The following DISP1 variants were observed in gnomAD, a reference collection of about 807,000 sequenced individuals.
DISP1 encodes the protein protein dispatched homolog 1.
DISP1 carries 30 observed loss-of-function variants against 37.3 expected under a neutral mutation model. That is an observed-to-expected ratio of 0.80 (90% CI 0.60 to 1.09). The LOEUF is 1.09. DISP1 is among the 50% of genes least tolerant of loss of function. The pLI, the probability that DISP1 is intolerant of heterozygous loss-of-function variation, is 0.00. For synonymous variants in DISP1, 634 were observed against 690.2 expected (o/e 0.92, Z 1.28); for missense variants, 1,598 against 1,879.5 (o/e 0.85, Z 2.77).
chr1:222,883,445 G>T (rs190160948), intron 1 of DISP1, among the ~76,000 whole-genome samples: 3 of 151,962 alleles, frequency 2.0e-5, no homozygotes, highest in Non-Finnish European at 4.4e-5. Flanking sequence ...TGGTAAAACC[G>T]CGTCGCTACT....
intron 4 of DISP1, among the ~76,000 whole-genome samples, chr1:222,986,230 C>T (rs754217924): frequency 7.2e-5 from 11 of 151,852 alleles, no homozygotes; most frequent in Non-Finnish European, 1.6e-4. Context: ...TGAATTATAC[C>T]ATCTGAAACA....
intron 3 of DISP1, among the ~76,000 whole-genome samples, chr1:222,943,902 T>C (rs1226115615): frequency 6.6e-6 from 1 of 151,984 alleles, no homozygotes; most frequent in Non-Finnish European, 1.5e-5. Context: ...TGGTGGTGCA[T>C]GCCTATAATC....
chr1:222,878,565 GT>G (rs1360508090), intron 1 of DISP1, among the ~76,000 whole-genome samples: 1 of 152,064 alleles, frequency 6.6e-6, no homozygotes, highest in African/African-American at 2.4e-5. Flanking sequence ...CTTGTTGAGG[GT>G]TTATTATCTC....
At chr1:222,922,717 TTATAA>T (rs1393433715) in intron 1 of DISP1, among the ~76,000 whole-genome samples, 1 of 152,092 alleles carries the variant, frequency 6.6e-6, no homozygotes, top group African/African-American at 2.4e-5. Flanking sequence ...GAAATGGAAC[TTATAA>T]TAGAAATTGG....
At chr1:222,868,245 G>A (rs1203453515) in intron 1 of DISP1, among the ~76,000 whole-genome samples, 1 of 151,870 alleles carries the variant, frequency 6.6e-6, no homozygotes, top group Non-Finnish European at 1.5e-5. Flanking sequence ...AAGTAGCTCT[G>A]TATTTACTGA....
chr1:222,946,842 G>A (rs1466208597), intron 3 of DISP1, among the ~76,000 whole-genome samples: 1 of 152,146 alleles, frequency 6.6e-6, no homozygotes, highest in African/African-American at 2.4e-5. Context: ...TCCAGCATAG[G>A]TCAATATGGC....
chr1:222,902,859 T>C (rs1181224090), intron 1 of DISP1, among the ~76,000 whole-genome samples: 1 of 151,232 alleles, frequency 6.6e-6, no homozygotes, highest in Non-Finnish European at 1.5e-5. Context: ...GGTGGGACTG[T>C]AAACTAGTTC....
At chr1:222,951,416 A>G (rs1351613843) in intron 3 of DISP1, among the ~76,000 whole-genome samples, 1 of 61,420 alleles carries the variant, frequency 1.6e-5, no homozygotes, top group Non-Finnish European at 3.1e-5. Flanking sequence ...TTAAAAAGAC[A>G]AGAATTCTAC....
chr1:223,004,994 C>T lies in DISP1; in HGVS notation c.3597C>T (p.Ser1199=). 1 of 1,614,156 alleles carries T rather than the reference C, an allele frequency of 6.2e-7. No homozygotes were observed. Among genetic ancestry groups the T allele is most frequent in the South Asian group, 1.1e-5 (1 of 91,086 alleles). Reference sequence around the variant, plus strand: ...TTTATGAATTAGAACCTCTGGCTTCCCACAGCTGCACTGCCCCTGAGAAGA... The same window carrying T: ...TTTATGAATTAGAACCTCTGGCTTCTCACAGCTGCACTGCCCCTGAGAAGA... ...HEFYELEPLA[S]HSCTAPEKTT... Residue 1199 remains serine, a synonymous_variant, in exon 9 of 9, where the codon TCC becomes TCT. Coordinates refer to ENST00000675850, the MANE Select transcript of DISP1 (RefSeq NM_001377229.1). This position sits in a 1 kb window ranked among gnomAD's most constrained non-coding sequence, Gnocchi z 4.9.
intron 2 of DISP1, among the ~76,000 whole-genome samples, chr1:222,934,147 C>T (rs906561273): frequency 1.3e-5 from 2 of 151,960 alleles, no homozygotes; most frequent in Admixed American, 6.6e-5. Context: ...CTCTTGTGGT[C>T]CTATAAAAGC....
chr1:222,948,611 T>C lies in DISP1; in HGVS notation c.509+5279T>C, dbSNP rs559084769. Among the ~76,000 whole-genome samples the C allele has an allele frequency of 5.3e-5, 8 of 152,358 alleles. No individual in the cohort carries two copies. In the East Asian group the frequency reaches 1.3e-3, roughly 26 times the overall value. On this transcript the variant is annotated intron_variant, in intron 3 of 8. Coordinates refer to ENST00000675850, the MANE Select transcript of DISP1 (RefSeq NM_001377229.1). ...AACTTCAAGTCTTTTTAGTTTTCTTTATTGTGGTTTATTGCTATGTAATTT... is the reference window on the plus strand; with the variant it reads ...AACTTCAAGTCTTTTTAGTTTTCTTCATTGTGGTTTATTGCTATGTAATTT...
intron 1 of DISP1, among the ~76,000 whole-genome samples, chr1:222,914,809 T>C (rs537469213): frequency 6.6e-6 from 1 of 152,068 alleles, no homozygotes; most frequent in Non-Finnish European, 1.5e-5. Flanking sequence ...AAAATTAAAA[T>C]TAAAATAATT....
At chr1:222,929,898 T>C (rs541180503) in intron 2 of DISP1, among the ~76,000 whole-genome samples, 69 of 152,214 alleles carry the variant, frequency 4.5e-4, no homozygotes, top group Non-Finnish European at 7.6e-4. Flanking sequence ...TTATGTATCT[T>C]CTATGCTTCA....
intron 1 of DISP1, among the ~76,000 whole-genome samples, chr1:222,890,778 C>A (rs767636734): frequency 2.6e-5 from 4 of 152,066 alleles, no homozygotes; most frequent in Non-Finnish European, 5.9e-5. Flanking sequence ...CTGTTCCATG[C>A]CTCTCTCTTA....
Position 223,005,742 on chromosome 1 carries a change from A to C in DISP1, c.4345A>C (p.Ser1449Arg), listed in dbSNP as rs1446002472. Residue 1449 changes from serine (S) to arginine (R), a missense_variant, in exon 9 of 9, where the codon AGT becomes CGT. Ser to Arg is a moderately radical substitution (Grantham distance 110). Transcript: ENST00000675850. ...VELSLSQTDA[S>R]VNSEHFNQNE... ...GCTGAGCTTGTCACAGACGGATGCA[A>C]GTGTGAACTCAGAACATTTCAATCA... is the stretch of plus-strand genomic sequence containing the variant. The C allele has an allele frequency of 1.2e-6, 2 of 1,614,244 alleles. No homozygotes were observed. The highest frequency in any genetic ancestry group is 8.5e-7 in the Non-Finnish European group (1 of 1,180,040).
chr1:222,892,042 AC>A lies in DISP1; in HGVS notation c.-158-36387del, dbSNP rs1179387372. 5.9e-5 allele frequency among the ~76,000 whole-genome samples: 9 copies of A among 152,214 alleles called. No individual in the cohort carries two copies. In the South Asian group the frequency reaches 1.2e-3, roughly 21 times the overall value. ...AGGGAGTGATACCTTACATAAAGAT[AC>A]GTAAGAGAAGTGTTCCCATTTAGGA... is the stretch of plus-strand genomic sequence containing the variant. On this transcript the variant is annotated intron_variant, in intron 1 of 8. Coordinates refer to ENST00000675850, the MANE Select transcript of DISP1 (RefSeq NM_001377229.1).
intron 1 of DISP1, chr1:222,827,172 G>A (rs912638425): frequency 6.6e-6 from 1 of 152,156 alleles, no homozygotes; most frequent in Admixed American, 6.5e-5. Flanking sequence ...GAGACAAACA[G>A]TTAAAGCATG....
At chr1:222,826,571 C>G (rs187805820) in intron 1 of DISP1, among the ~76,000 whole-genome samples, 23 of 151,474 alleles carry the variant, frequency 1.5e-4, no homozygotes, top group Admixed American at 1.4e-3. Context: ...TAACTTCTTA[C>G]AGAGATGGGG....
intron 3 of DISP1, chr1:222,979,661 G>C: frequency 2.1e-6 from 1 of 471,046 alleles, no homozygotes; most frequent in Non-Finnish European, 4.4e-6. Flanking sequence ...GGCTTCTTCA[G>C]ATGTGAACGT....
Sources: gnomAD v4.1 joint callset for allele counts (sites outside exome capture counted in the v4.1 genomes callset) on GRCh38, gnomAD v4.1.1 for gene constraint, Gnocchi (gnomAD v3.1) non-coding constraint, MANE v1.5 for transcripts, NCBI Gene and HGNC (gene_info 2026-07-23, HGNC 2026-07-21) for gene names.